PHF20: variants seen among roughly 807,000 people sequenced by gnomAD.
PHF20 encodes PHD finger protein 20, also known as glioma-expressed antigen 2.
A neutral mutation model predicts 113.5 loss-of-function variants in PHF20; 23 were observed. The observed-to-expected ratio is 0.20, with a 90% confidence interval of 0.15 to 0.29. The LOEUF is 0.29. Among genes scored for constraint, PHF20 ranks in the 10% least tolerant of loss-of-function variants. The pLI is 1.00. For missense variants in PHF20, 943 were observed against 1,219.6 expected (o/e 0.77, Z 3.38); for synonymous variants, 434 against 457.3 (o/e 0.95, Z 0.65).
At chr20:35,801,179 A>T (rs970471500) in intron 1 of PHF20, among the ~76,000 whole-genome samples, 1 of 152,226 alleles carries the variant, frequency 6.6e-6, no homozygotes, top group East Asian at 1.9e-4. Context: ...TGAATAATGC[A>T]TCAGCAGATG....
chr20:35,942,259 G>A (rs1027970033), intron 17 of PHF20, among the ~76,000 whole-genome samples: 1 of 152,006 alleles, frequency 6.6e-6, no homozygotes, highest in African/African-American at 2.4e-5. Flanking sequence ...CACAGACCCT[G>A]TCTCTAAAAA....
chr20:35,935,795 T>G (rs569060062), intron 15 of PHF20, among the ~76,000 whole-genome samples: 2 of 152,338 alleles, frequency 1.3e-5, no homozygotes, highest in South Asian at 4.1e-4. Context: ...TTCTTACAAA[T>G]GGAGAAAAGA....
intron 10 of PHF20, among the ~76,000 whole-genome samples, chr20:35,903,077 CTTTTTTT>C (rs376888832): frequency 1.7e-5 from 1 of 60,006 alleles, no homozygotes; most frequent in African/African-American, 6.7e-5. Context: ...CCTATCCTTT[CTTTTTTT>C]TTTTTTTTTT....
intron 10 of PHF20, among the ~76,000 whole-genome samples, chr20:35,904,718 G>A (rs1026296671): frequency 1.3e-5 from 2 of 149,980 alleles, no homozygotes; most frequent in Non-Finnish European, 3.0e-5. Flanking sequence ...ACCTGCCACT[G>A]TTCCCTTTGT....
chr20:35,920,028 G>C (rs916752791), intron 13 of PHF20, among the ~76,000 whole-genome samples: 11 of 152,152 alleles, frequency 7.2e-5, no homozygotes, highest in Non-Finnish European at 1.6e-4. Context: ...ATATAGCTCT[G>C]TGTGCTTTCA....
At chr20:35,789,366 G>T (rs776169780) in intron 1 of PHF20, among the ~76,000 whole-genome samples, 2 of 151,278 alleles carry the variant, frequency 1.3e-5, no homozygotes, top group Non-Finnish European at 2.9e-5. Flanking sequence ...GGGAGACAGA[G>T]GTTGCAGTGA....
intron 4 of PHF20, among the ~76,000 whole-genome samples, chr20:35,851,272 T>C (rs1404747269): frequency 6.6e-6 from 1 of 152,130 alleles, no homozygotes; most frequent in Non-Finnish European, 1.5e-5. Flanking sequence ...TCCTAAAAAA[T>C]ATGCATATTT....
chr20:35,891,855 T>C (rs2054870324), intron 9 of PHF20, among the ~76,000 whole-genome samples: 1 of 151,972 alleles, frequency 6.6e-6, no homozygotes, highest in South Asian at 2.1e-4. Context: ...ATTCTATTTT[T>C]TATATATTAT....
intron 15 of PHF20, among the ~76,000 whole-genome samples, chr20:35,936,299 A>G (rs1272687116): frequency 6.6e-6 from 1 of 152,150 alleles, no homozygotes; most frequent in Non-Finnish European, 1.5e-5. Context: ...GGTATCCCAA[A>G]CAATTGATGC....
chr20:35,940,870 G>A lies in PHF20; in HGVS notation c.2719G>A (p.Glu907Lys), dbSNP rs200681361. ...DPKPGSPKVKEYVSKKALPEE... is the reference protein window; with the variant it reads ...DPKPGSPKVKKYVSKKALPEE... ...CATGCCATTGCATCCCCAGGTGAAG[G>A]AATATGTCTCCAAAAAGGCCCTACC... Residue 907 changes from glutamate (E) to lysine (K), a missense_variant, in exon 17 of 18, where the codon GAA becomes AAA. Around this residue, in one of 3 missense-constraint regions of PHF20, gnomAD observed 349 missense variants for 412.3 expected, o/e 0.85. Coordinates refer to ENST00000374012, the MANE Select transcript of PHF20 (RefSeq NM_016436.5). 1.1e-4 allele frequency: 173 copies of A among 1,612,720 alleles called. 1 individual carries two copies. Among genetic ancestry groups the A allele is most frequent in the Non-Finnish European group, 8.0e-5 (94 of 1,179,454 alleles).
chr20:35,845,005 C>T (rs958959044), intron 3 of PHF20, among the ~76,000 whole-genome samples: 13 of 152,152 alleles, frequency 8.5e-5, no homozygotes, highest in African/African-American at 2.2e-4. Context: ...AGCTCTCCCT[C>T]AAATTGCTTT....
intron 2 of PHF20, among the ~76,000 whole-genome samples, chr20:35,811,179 T>C (rs1415936772): frequency 6.6e-6 from 1 of 151,996 alleles, no homozygotes; most frequent in African/African-American, 2.4e-5. Flanking sequence ...CCCGAGTAGC[T>C]GGGACTACAG....
chr20:35,889,291 GGCGTGA>G (rs1234516791), intron 9 of PHF20, among the ~76,000 whole-genome samples: 1 of 151,954 alleles, frequency 6.6e-6, no homozygotes, highest in Non-Finnish European at 1.5e-5. Context: ...TGAGATTATA[GGCGTGA>G]GCCACCGTGC....
chr20:35,911,186 G>A (rs541440326), intron 10 of PHF20, among the ~76,000 whole-genome samples: 4 of 151,876 alleles, frequency 2.6e-5, no homozygotes, highest in Admixed American at 6.6e-5. Flanking sequence ...GACTACAGGC[G>A]CCCGCTACCA....
At chr20:35,907,916 C>CT (rs1443721251) in intron 10 of PHF20, among the ~76,000 whole-genome samples, 1 of 152,198 alleles carries the variant, frequency 6.6e-6, no homozygotes, top group Non-Finnish European at 1.5e-5. Flanking sequence ...AATTATGTGA[C>CT]TAAGTCTTTC....
chr20:35,850,715 G>A, intron 4 of PHF20: 1 of 424,846 alleles, frequency 2.4e-6, no homozygotes, highest in Non-Finnish European at 4.4e-6. Flanking sequence ...TGCCAACAGG[G>A]GATGGGTTCC....
intron 10 of PHF20, among the ~76,000 whole-genome samples, chr20:35,901,758 A>G (rs1020969414): frequency 1.6e-4 from 24 of 152,202 alleles, no homozygotes; most frequent in Non-Finnish European, 2.8e-4. Context: ...ACCTGATTAT[A>G]TCACTCTCTT....
intron 17 of PHF20, among the ~76,000 whole-genome samples, chr20:35,942,829 T>G (rs542382155): frequency 1.4e-4 from 22 of 152,218 alleles, no homozygotes; most frequent in South Asian, 4.1e-4. Context: ...CTTTCTTTCT[T>G]TCTTTTTTTT....
chr20:35,780,259 A>G (rs1445409101), intron 1 of PHF20, among the ~76,000 whole-genome samples: 3 of 130,852 alleles, frequency 2.3e-5, no homozygotes, highest in Non-Finnish European at 4.7e-5. Context: ...GGAGTCTCAC[A>G]TTGTTGCCCA....
Sources: allele counts gnomAD v4.1 joint callset (sites outside exome capture counted in the v4.1 genomes callset), GRCh38; gene constraint gnomAD v4.1.1; regional missense constraint gnomAD v4.1.1; transcripts MANE v1.5; gene names NCBI Gene and HGNC (gene_info 2026-07-23, HGNC 2026-07-21).